The following FOCAD variants were observed in gnomAD, a reference collection of about 807,000 sequenced individuals.
FOCAD encodes KIAA1797.
Under a neutral mutation model 225.6 loss-of-function variants are expected in FOCAD, and 198 were observed. The observed-to-expected ratio is 0.88, with a 90% CI of 0.78 to 0.99. The LOEUF (loss-of-function observed/expected upper bound fraction) is 0.99. Among genes scored for constraint, FOCAD ranks in the 50% least tolerant of loss-of-function variants. FOCAD has a pLI of 0.00. For synonymous variants in FOCAD, 897 were observed against 755.0 expected, an observed-to-expected ratio of 1.19 and a Z score of -3.08; for missense variants, 2,713 against 2,123.6, an observed-to-expected ratio of 1.28 and a Z score of -5.46.
chr9:20,684,843 A>G (rs977662115), intron 1 of FOCAD, among the ~76,000 whole-genome samples: 3 of 152,204 alleles, frequency 2.0e-5, no homozygotes, highest in African/African-American at 7.2e-5. Flanking sequence ...TCAGTCTCCT[A>G]GTTCTCTGGC....
chr9:20,862,446 T>G, intron 15 of FOCAD, 132 bp from the exon 16 acceptor site: 1 of 952,494 alleles, frequency 1.0e-6, no homozygotes, highest in East Asian at 2.7e-5. Context: ...GGTACCTTAT[T>G]AAGTCCTATC....
intron 4 of FOCAD, among the ~76,000 whole-genome samples, chr9:20,731,522 A>C (rs983688607): frequency 2.6e-5 from 4 of 152,210 alleles, no homozygotes; most frequent in Non-Finnish European, 1.5e-5. Flanking sequence ...AGTTATGTAA[A>C]TATAGAACTA....
chr9:20,735,555 A>T (rs1447819246), intron 4 of FOCAD, among the ~76,000 whole-genome samples: 1 of 144,820 alleles, frequency 6.9e-6, no homozygotes, highest in Admixed American at 7.2e-5. Context: ...TCTTTCTGTC[A>T]TCCAGGTTTG....
intron 15 of FOCAD, among the ~76,000 whole-genome samples, chr9:20,836,382 T>A (rs1825994123): frequency 6.6e-6 from 1 of 152,110 alleles, no homozygotes; most frequent in African/African-American, 2.4e-5. Flanking sequence ...TATGTTTTGT[T>A]TGTGGGACTT....
At chr9:20,782,767 C>T (rs899819735) in intron 10 of FOCAD, among the ~76,000 whole-genome samples, 1 of 152,180 alleles carries the variant, frequency 6.6e-6, no homozygotes, top group Non-Finnish European at 1.5e-5. Context: ...GTGGCTTCAT[C>T]TGCAAAAGCA....
intron 6 of FOCAD, among the ~76,000 whole-genome samples, chr9:20,760,719 C>G (rs1339556630): frequency 1.3e-5 from 2 of 152,152 alleles, no homozygotes; most frequent in Non-Finnish European, 2.9e-5. Context: ...CATAATTACT[C>G]TCCTGTATTA....
At chr9:20,663,474 AAC>A (rs367867901) in intron 2 of FOCAD, among the ~76,000 whole-genome samples, 2,645 of 148,954 alleles carry the variant, frequency 0.018, 40 homozygotes, top group African/African-American at 0.039. Flanking sequence ...TGTGTGCATG[AAC>A]ACACACACAC....
intron 5 of FOCAD, among the ~76,000 whole-genome samples, chr9:20,756,049 T>C (rs1230880684): frequency 6.6e-6 from 1 of 152,196 alleles, no homozygotes; most frequent in Non-Finnish European, 1.5e-5. Context: ...TTTTAGAATT[T>C]GTAATATTTT....
chr9:20,935,114 A>G (rs1222176145), intron 28 of FOCAD, among the ~76,000 whole-genome samples: 1 of 152,240 alleles, frequency 6.6e-6, no homozygotes, highest in Non-Finnish European at 1.5e-5. Flanking sequence ...GAACTAGATA[A>G]AACAATCTTA....
At chr9:20,907,011 G>C (rs372490703) in intron 21 of FOCAD, 139 bp from the exon 22 acceptor site, 31 of 612,474 alleles carry the variant, frequency 5.1e-5, no homozygotes, top group East Asian at 2.8e-4. Flanking sequence ...TATTATTTGT[G>C]GTTCTGATCC....
chr9:20,674,156 C>T (rs1822158793), intron 2 of FOCAD, among the ~76,000 whole-genome samples: 1 of 152,108 alleles, frequency 6.6e-6, no homozygotes, highest in Admixed American at 6.6e-5. Context: ...CAAATTATAT[C>T]AACTTACAAT....
chr9:20,678,811 G>A (rs1822313108), intron 2 of FOCAD, among the ~76,000 whole-genome samples: 1 of 152,160 alleles, frequency 6.6e-6, no homozygotes, highest in African/African-American at 2.4e-5. Flanking sequence ...TGATTTGGGG[G>A]CCCCAATGTT....
intron 15 of FOCAD, among the ~76,000 whole-genome samples, chr9:20,853,453 A>G (rs1213385333): frequency 6.6e-6 from 1 of 151,790 alleles, no homozygotes. Flanking sequence ...CAAAGTGCCA[A>G]ATAGTTTTTC....
rs1434851095 is a variant in FOCAD, at chr9:20,920,792, A to G, written c.2853-2868A>G. ...AACACATGGACACAGGAAAGGGAAC[A>G]TCACACTCTGGGGACTGTTGTGGGG... is the stretch of plus-strand genomic sequence containing the variant. On this transcript the variant is annotated intron_variant, in intron 24 of 43. Transcript: ENST00000338382. Among the ~76,000 whole-genome samples, 20 of 151,044 alleles carry G rather than the reference A, an allele frequency of 1.3e-4. No homozygotes were observed. In the East Asian group the frequency reaches 3.7e-3, roughly 28 times the overall value.
chr9:20,731,817 A>G (rs2131609655), intron 4 of FOCAD, among the ~76,000 whole-genome samples: 1 of 152,062 alleles, frequency 6.6e-6, no homozygotes, highest in Non-Finnish European at 1.5e-5. Flanking sequence ...GGGTTTCTCC[A>G]TGTTGGTCAG....
At chr9:20,697,868 A>G (rs144980807) in intron 1 of FOCAD, among the ~76,000 whole-genome samples, 1 of 152,352 alleles carries the variant, frequency 6.6e-6, no homozygotes, top group African/African-American at 2.4e-5. Flanking sequence ...GTGCAGATGG[A>G]TTAATCTCCT....
chr9:20,817,637 T>C (rs982839847), intron 11 of FOCAD, among the ~76,000 whole-genome samples: 2 of 147,386 alleles, frequency 1.4e-5, no homozygotes, highest in Non-Finnish European at 3.0e-5. Context: ...AATGAGATCA[T>C]ATAACATGAG....
At chr9:20,845,550 A>AT (rs1480555020) in intron 15 of FOCAD, among the ~76,000 whole-genome samples, 1 of 149,658 alleles carries the variant, frequency 6.7e-6, no homozygotes, top group African/African-American at 2.5e-5. Flanking sequence ...ATTGTTTCCA[A>AT]TTTTTTACTG....
At chr9:20,966,637 A>G (rs185492677) in intron 35 of FOCAD, among the ~76,000 whole-genome samples, 6 of 152,132 alleles carry the variant, frequency 3.9e-5, no homozygotes, top group Admixed American at 3.9e-4. Flanking sequence ...TAGGAGTTTG[A>G]TTGGTTTAGT....
Sources: gnomAD v4.1 joint callset for allele counts (sites outside exome capture counted in the v4.1 genomes callset) on GRCh38, gnomAD v4.1.1 for gene constraint, MANE v1.5 for transcripts, NCBI Gene and HGNC (gene_info 2026-07-23, HGNC 2026-07-21) for gene names.